WHRN: variants seen among roughly 807,000 people sequenced by gnomAD.
WHRN encodes the protein whirlin, also known as CASK-interacting protein CIP98.
In WHRN, 41 loss-of-function variants were observed where a neutral mutation model predicts 68.3. The observed-to-expected ratio is 0.60, with a 90% CI of 0.47 to 0.78. WHRN has a LOEUF of 0.78. Ranked by LOEUF, WHRN falls within the 30% of genes least tolerant of loss-of-function variation. WHRN has a pLI of 0.00. For missense variants in WHRN, 1,243 were observed against 1,244.7 expected, an observed-to-expected ratio of 1.00 and a Z score of 0.02; for synonymous variants, 560 against 561.3, an observed-to-expected ratio of 1.00 and a Z score of 0.03.
Position 114,504,941 on chromosome 9 carries a change from A to T in WHRN, c.-140T>A. ...GCCTGGGTTTGGGGAGCACGGGTAC[A>T]GTGGCTGGATCCTAGGGGGTCGCGG... On this transcript the variant is annotated 5_prime_UTR_variant, in exon 1 of 12. Transcript: ENST00000362057. 1 of 1,231,922 alleles carries T rather than the reference A, an allele frequency of 8.1e-7. No individual in the cohort carries two copies. The highest frequency in any genetic ancestry group is 2.3e-5 in the South Asian group (1 of 42,666). 76.3% of individuals were successfully genotyped at this position (1,231,922 alleles called of 1,614,324 possible).
intron 2 of WHRN, among the ~76,000 whole-genome samples, chr9:114,476,884 A>C (rs978887028): frequency 2.6e-5 from 4 of 152,156 alleles, no homozygotes; most frequent in Non-Finnish European, 4.4e-5. Flanking sequence ...GCTCTCCATC[A>C]ATGATAAGCT....
chr9:114,409,921 T>C (rs1363674480), intron 7 of WHRN, among the ~76,000 whole-genome samples: 1 of 152,024 alleles, frequency 6.6e-6, no homozygotes, highest in African/African-American at 2.4e-5. Context: ...CAGGTCTCTC[T>C]GCAGCTCAGG....
chr9:114,479,158 C>T (rs1024763405), intron 1 of WHRN, among the ~76,000 whole-genome samples: 2 of 152,182 alleles, frequency 1.3e-5, no homozygotes, highest in Non-Finnish European at 2.9e-5. Flanking sequence ...CTTAGACTGT[C>T]TGTAAACAGT....
chr9:114,495,342 G>C lies in WHRN; in HGVS notation c.618+8842C>G, dbSNP rs528036716. 8.5e-4 allele frequency among the ~76,000 whole-genome samples: 130 copies of C among 152,344 alleles called. 1 individual carries two copies. Among genetic ancestry groups the C allele is most frequent in the African/African-American group, 2.7e-3 (112 of 41,588 alleles). ...GACAGGAGACAGACAGGCTGGCCAG[G>C]AGGATGCTACAGTTCGGCAGTGCTG... On this transcript the variant is annotated intron_variant, in intron 1 of 11. Coordinates refer to ENST00000362057, the MANE Select transcript of WHRN (RefSeq NM_015404.4).
intron 1 of WHRN, among the ~76,000 whole-genome samples, chr9:114,486,772 T>C (rs1167161570): frequency 6.9e-6 from 1 of 144,126 alleles, no homozygotes; most frequent in Non-Finnish European, 1.5e-5. Context: ...AACAGTAACC[T>C]TGGGCAAGTT....
chr9:114,425,260 A>C (rs1356725253), intron 4 of WHRN: 1 of 661,640 alleles, frequency 1.5e-6, no homozygotes, highest in African/African-American at 1.8e-5. Context: ...AAACCACCCG[A>C]GGTGGGCTCC....
chr9:114,496,937 T>C (rs578260144), intron 1 of WHRN, among the ~76,000 whole-genome samples: 1 of 152,320 alleles, frequency 6.6e-6, no homozygotes, highest in Admixed American at 6.5e-5. Context: ...TTCACCTCTC[T>C]GGTCAAGCCT....
intron 1 of WHRN, among the ~76,000 whole-genome samples, chr9:114,497,271 A>G (rs1276206040): frequency 6.6e-6 from 1 of 152,206 alleles, no homozygotes; most frequent in African/African-American, 2.4e-5. Flanking sequence ...TGGAGAGAAA[A>G]AAAATCATGA....
At chr9:114,478,179 T>A (rs1302042639) in intron 2 of WHRN, 1 of 610,428 alleles carries the variant, frequency 1.6e-6, no homozygotes, top group African/African-American at 1.9e-5. Flanking sequence ...TCCCAGCTAC[T>A]CAGGAGGCTG....
At chr9:114,455,270 G>A (rs1413581389) in intron 3 of WHRN, among the ~76,000 whole-genome samples, 2 of 152,126 alleles carry the variant, frequency 1.3e-5, no homozygotes, top group Non-Finnish European at 2.9e-5. Context: ...CCAGGCTGGA[G>A]TGCAGCAGCT....
chr9:114,424,821 C>G (rs2132383345), intron 5 of WHRN, among the ~76,000 whole-genome samples, 167 bp downstream of exon 5: 1 of 152,322 alleles, frequency 6.6e-6, no homozygotes. Context: ...AGGTAGTGCC[C>G]AGAACCTAGC....
intron 7 of WHRN, among the ~76,000 whole-genome samples, chr9:114,412,781 C>T (rs1171751581): frequency 6.6e-6 from 1 of 152,194 alleles, no homozygotes; most frequent in Non-Finnish European, 1.5e-5. Context: ...TGAAGAGGGG[C>T]AACCTTTGCG....
intron 9 of WHRN, among the ~76,000 whole-genome samples, chr9:114,404,521 C>T (rs1400016650): frequency 6.6e-6 from 1 of 152,136 alleles, no homozygotes; most frequent in East Asian, 1.9e-4. Flanking sequence ...GAAATTCCAC[C>T]ACACCTAGCC....
At chr9:114,473,292 C>T (rs1841395118) in intron 2 of WHRN, among the ~76,000 whole-genome samples, 1 of 152,226 alleles carries the variant, frequency 6.6e-6, no homozygotes, top group African/African-American at 2.4e-5. Context: ...CGAGCAGATT[C>T]CAGATGCTGA....
chr9:114,413,447 T>TG lies in WHRN; in HGVS notation c.1627-5430dup, dbSNP rs1033049737. Among the ~76,000 whole-genome samples, 9 of 152,138 alleles carry TG rather than the reference T, an allele frequency of 5.9e-5. No individual in the cohort carries two copies. In the South Asian group the frequency reaches 1.7e-3, roughly 28 times the overall value. On this transcript the variant is annotated intron_variant, in intron 7 of 11. Coordinates refer to ENST00000362057, the MANE Select transcript of WHRN (RefSeq NM_015404.4). ...GAGAGCCAGGAAGTCCTGGCATTCCTGGGGGGCAGTGGGGCTCCCCAGAGT... is the reference window on the plus strand; with the variant it reads ...GAGAGCCAGGAAGTCCTGGCATTCCTGGGGGGGCAGTGGGGCTCCCCAGAGT...
At chr9:114,426,105 C>T in intron 4 of WHRN, 106 bp downstream of exon 4, 1 of 1,465,796 alleles carries the variant, frequency 6.8e-7, no homozygotes, top group Non-Finnish European at 9.4e-7. Context: ...GTGGGGACTG[C>T]AGGCTGAGAG....
In WHRN at chr9:114,407,693, G is replaced by GGTCAAA. The variant is rs56699228; in HGVS notation, c.1698+253_1698+254insTTTGAC. On this transcript the variant is annotated intron_variant, in intron 8 of 11. Coordinates refer to ENST00000362057, the MANE Select transcript of WHRN (RefSeq NM_015404.4). ...GAGGCACAGAGAGGCTAAGAAACTTGGTCATACTGTGGCCAGCCAGCCTGA... is the reference window on the plus strand; with the variant it reads ...GAGGCACAGAGAGGCTAAGAAACTTGGTCAAAGTCATACTGTGGCCAGCCAGCCTGA... Among the ~76,000 whole-genome samples, 62,617 of 151,728 alleles carry GGTCAAA rather than the reference G, an allele frequency of 0.41. 13,893 individuals are homozygous for GGTCAAA. The highest frequency in any genetic ancestry group is 0.52 in the South Asian group (2,491 of 4,814).
At chr9:114,460,960 A>G (rs1840196636) in intron 3 of WHRN, among the ~76,000 whole-genome samples, 1 of 152,222 alleles carries the variant, frequency 6.6e-6, no homozygotes, top group Non-Finnish European at 1.5e-5. Context: ...TGGATGCCCA[A>G]GTGAGTGTAG....
At chr9:114,481,395 C>T (rs953568398) in intron 1 of WHRN, among the ~76,000 whole-genome samples, 3 of 152,226 alleles carry the variant, frequency 2.0e-5, no homozygotes, top group Non-Finnish European at 2.9e-5. Context: ...TTTTAGCATT[C>T]CCCAGGGCTC....
Sources: allele counts gnomAD v4.1 joint callset (sites outside exome capture counted in the v4.1 genomes callset), GRCh38; gene constraint gnomAD v4.1.1; transcripts MANE v1.5; gene names NCBI Gene and HGNC (gene_info 2026-07-23, HGNC 2026-07-21).